KCNG2: variants seen among roughly 807,000 people sequenced by gnomAD.
KCNG2 encodes the protein potassium voltage-gated channel modifier subfamily G member 2, also known as voltage-gated potassium channel regulatory subunit KCNG2.
A neutral mutation model predicts 12.3 loss-of-function variants in KCNG2; 7 were observed. The observed-to-expected ratio is 0.57, with a 90% CI of 0.32 to 1.07. The LOEUF is 1.07. Among genes scored for constraint, KCNG2 ranks in the 50% least tolerant of loss-of-function variants. The pLI, the probability that KCNG2 is intolerant of heterozygous loss-of-function variation, is 0.04. For missense variants in KCNG2, 703 were observed against 726.0 expected, an observed-to-expected ratio of 0.97 and a Z score of 0.36; for synonymous variants, 414 against 351.4, an observed-to-expected ratio of 1.18 and a Z score of -1.99.
intron 3 of KCNG2, among the ~76,000 whole-genome samples, chr18:79,877,578 C>A (rs982848253): frequency 6.6e-6 from 1 of 151,940 alleles, no homozygotes; most frequent in South Asian, 2.1e-4. Context: ...ACACCTCCGC[C>A]CCCCCCGAGA....
intron 3 of KCNG2, among the ~76,000 whole-genome samples, chr18:79,885,323 T>C (rs1453057209): frequency 6.6e-6 from 1 of 152,212 alleles, no homozygotes. Context: ...TTTTCTGACC[T>C]GATTTTTGGC....
chr18:79,866,258 G>GTCTGTGTGCTGAGAGA lies in KCNG2; in HGVS notation c.624+1976_624+1991dup, dbSNP rs1332303291. Among the ~76,000 whole-genome samples the GTCTGTGTGCTGAGAGA allele has an allele frequency of 8.6e-3, 1,259 of 145,726 alleles. 24 individuals carry two copies. Among genetic ancestry groups the GTCTGTGTGCTGAGAGA allele is most frequent in the African/African-American group, 0.029 (1,106 of 38,550 alleles). Reference sequence around the variant, plus strand: ...TGCTGAGAGGTCTGTGTGCTGAGAGGTCTGTGTGCTGAGAGATCTGTGTGA... The same window carrying GTCTGTGTGCTGAGAGA: ...TGCTGAGAGGTCTGTGTGCTGAGAGGTCTGTGTGCTGAGAGATCTGTGTGCTGAGAGATCTGTGTGA... On this transcript the variant is annotated intron_variant, in intron 3 of 3. Coordinates refer to ENST00000316249, the MANE Select transcript of KCNG2 (RefSeq NM_012283.2).
intron 1 of KCNG2, among the ~76,000 whole-genome samples, chr18:79,845,405 G>A (rs1463675853): frequency 6.6e-6 from 1 of 152,172 alleles, no homozygotes; most frequent in African/African-American, 2.4e-5. Context: ...GCTACCACGG[G>A]GAAAACTGAG....
In KCNG2 at chr18:79,884,273, C is replaced by T. The variant is rs181708000; in HGVS notation, c.625-14767C>T. Among the ~76,000 whole-genome samples the T allele has an allele frequency of 9.9e-5, 15 of 152,234 alleles. No individual in the cohort carries two copies. Among genetic ancestry groups the T allele is most frequent in the Admixed American group, 9.8e-4 (15 of 15,302 alleles). On this transcript the variant is annotated intron_variant, in intron 3 of 3. Transcript: ENST00000316249. The surrounding 1 kb of genome is among the most constrained non-coding windows in gnomAD (Gnocchi z 5.5). ...TCCTCCCGCCCCTCCCTGTGGGCCCCACACCTGCACCCCCAAGAGAATTCG... is the reference window on the plus strand; with the variant it reads ...TCCTCCCGCCCCTCCCTGTGGGCCCTACACCTGCACCCCCAAGAGAATTCG...
chr18:79,873,630 G>A (rs1218531148), intron 3 of KCNG2, among the ~76,000 whole-genome samples: 1 of 152,190 alleles, frequency 6.6e-6, no homozygotes, highest in African/African-American at 2.4e-5. Context: ...GCCCTGGACG[G>A]GAGCGTTTTC....
intron 2 of KCNG2, among the ~76,000 whole-genome samples, chr18:79,859,361 AG>A (rs1031094826): frequency 2.0e-5 from 3 of 152,204 alleles, no homozygotes; most frequent in African/African-American, 7.2e-5. Flanking sequence ...TGTCTGGAAA[AG>A]TTCAAGATCA....
At chr18:79,810,458 G>A (rs866944718) in intron 1 of KCNG2, among the ~76,000 whole-genome samples, 22 of 152,144 alleles carry the variant, frequency 1.4e-4, no homozygotes, top group African/African-American at 3.4e-4. Flanking sequence ...GTAAAGGCAG[G>A]AAACGTAGAA....
chr18:79,817,481 A>T (rs1466484372), intron 1 of KCNG2, among the ~76,000 whole-genome samples: 3 of 149,930 alleles, frequency 2.0e-5, no homozygotes, highest in Non-Finnish European at 3.0e-5. Flanking sequence ...TGGTTGTCAC[A>T]CACGTGTCAC....
intron 1 of KCNG2, among the ~76,000 whole-genome samples, chr18:79,801,103 TC>T (rs370895339): frequency 1.3e-4 from 20 of 152,210 alleles, no homozygotes; most frequent in African/African-American, 4.6e-4. Flanking sequence ...TGGTCTCTGA[TC>T]CCCGCCACGT....
intron 1 of KCNG2, among the ~76,000 whole-genome samples, chr18:79,809,739 C>G (rs1353433545): frequency 2.0e-5 from 3 of 152,242 alleles, no homozygotes; most frequent in African/African-American, 7.2e-5. Flanking sequence ...ATCTTCACGC[C>G]CACTCAAGAC....
At chr18:79,821,265 C>T (rs569446083) in intron 1 of KCNG2, among the ~76,000 whole-genome samples, 39 of 150,008 alleles carry the variant, frequency 2.6e-4, no homozygotes, top group Non-Finnish European at 4.1e-4. Flanking sequence ...AAATTTTGGC[C>T]GTCAACCCAT....
intron 3 of KCNG2, among the ~76,000 whole-genome samples, chr18:79,875,356 C>G (rs1274055805): frequency 1.3e-5 from 2 of 151,728 alleles, no homozygotes; most frequent in African/African-American, 2.4e-5. Context: ...CTGGGCGCTC[C>G]CCTTGGTCTA....
At chr18:79,798,164 G>A (rs965953621) in intron 1 of KCNG2, among the ~76,000 whole-genome samples, 150 bp downstream of exon 1, 3 of 151,688 alleles carry the variant, frequency 2.0e-5, no homozygotes, top group African/African-American at 4.8e-5. Context: ...CGCGGGCGCG[G>A]GAGGGTCGAA....
chr18:79,829,906 G>A (rs1978291026), intron 1 of KCNG2, among the ~76,000 whole-genome samples: 1 of 152,310 alleles, frequency 6.6e-6, no homozygotes, highest in South Asian at 2.1e-4. Flanking sequence ...ATAAGAAAAA[G>A]GTACCAATTC....
Position 79,797,977 on chromosome 18 carries a change from G to T in KCNG2, c.-152G>T, listed in dbSNP as rs1335550367. On this transcript the variant is annotated 5_prime_UTR_variant, in exon 1 of 4. Coordinates refer to ENST00000316249, the MANE Select transcript of KCNG2 (RefSeq NM_012283.2). ...CCGCCCCGAGGAGGCCGCCGGCCGG[G>T]TAAGCGGAGCCCGGAGCTCGCGGAG... Among the ~76,000 whole-genome samples, 2 of 151,778 alleles carry T rather than the reference G, an allele frequency of 1.3e-5. No individual in the cohort carries two copies. Among genetic ancestry groups the T allele is most frequent in the Non-Finnish European group, 2.9e-5 (2 of 67,874 alleles).
intron 3 of KCNG2, among the ~76,000 whole-genome samples, chr18:79,896,105 A>G (rs982552062): frequency 1.3e-5 from 2 of 152,172 alleles, no homozygotes; most frequent in African/African-American, 4.8e-5. Flanking sequence ...AGCTGGGATT[A>G]TAGGCGCATG....
chr18:79,879,082 G>A (rs541441401), intron 3 of KCNG2, among the ~76,000 whole-genome samples: 26 of 152,354 alleles, frequency 1.7e-4, no homozygotes, highest in Admixed American at 1.1e-3. Context: ...GGGTGGTAGC[G>A]TGCCAGGCTG....
intron 1 of KCNG2, among the ~76,000 whole-genome samples, chr18:79,798,593 C>G (rs1357858498): frequency 1.3e-5 from 2 of 152,220 alleles, no homozygotes; most frequent in Non-Finnish European, 2.9e-5. Flanking sequence ...CGGCCGCACC[C>G]CTACTCTGCC....
intron 2 of KCNG2, among the ~76,000 whole-genome samples, chr18:79,860,113 G>A (rs945378018): frequency 4.6e-5 from 7 of 152,204 alleles, no homozygotes; most frequent in African/African-American, 1.7e-4. Context: ...GAACAAGGTT[G>A]CGGGGTAGGT....
Sources: allele counts gnomAD v4.1 joint callset (sites outside exome capture counted in the v4.1 genomes callset), GRCh38; gene constraint gnomAD v4.1.1; non-coding constraint Gnocchi (gnomAD v3.1); transcripts MANE v1.5; gene names NCBI Gene and HGNC (gene_info 2026-07-23, HGNC 2026-07-21).